SLC1A1: variants seen among roughly 807,000 people sequenced by gnomAD.
The protein encoded by SLC1A1 is solute carrier family 1 member 1.
Under a neutral mutation model 53.3 loss-of-function variants are expected in SLC1A1, and 43 were observed. The observed-to-expected ratio is 0.81, with a 90% CI of 0.63 to 1.04. The LOEUF (loss-of-function observed/expected upper bound fraction) is 1.04, where lower values mean the gene tolerates loss of function less well. Among genes scored for constraint, SLC1A1 ranks in the 50% least tolerant of loss-of-function variants. SLC1A1 has a pLI of 0.00. For missense variants in SLC1A1, 748 were observed against 664.9 expected (o/e 1.12, Z -1.37); for synonymous variants, 307 against 243.2 (o/e 1.26, Z -2.44).
intron 2 of SLC1A1, among the ~76,000 whole-genome samples, chr9:4,548,354 T>G (rs749696345): frequency 1.3e-5 from 2 of 152,148 alleles, no homozygotes; most frequent in African/African-American, 4.8e-5. Flanking sequence ...TATACAGTTA[T>G]TAGGCCGAAG....
At chr9:4,535,904 T>A (rs1795013500) in intron 1 of SLC1A1, among the ~76,000 whole-genome samples, 1 of 152,122 alleles carries the variant, frequency 6.6e-6, no homozygotes, top group Admixed American at 6.5e-5. Context: ...TCTACAACCA[T>A]CTGATCTTTG....
chr9:4,547,976 C>T (rs181614546), intron 2 of SLC1A1, among the ~76,000 whole-genome samples: 33 of 152,208 alleles, frequency 2.2e-4, no homozygotes, highest in Non-Finnish European at 4.1e-4. Flanking sequence ...AATGTATATA[C>T]ATTTTTAAAA....
At chr9:4,552,405 G>A (rs1818008824) in intron 2 of SLC1A1, among the ~76,000 whole-genome samples, 1 of 152,152 alleles carries the variant, frequency 6.6e-6, no homozygotes, top group Non-Finnish European at 1.5e-5. Context: ...CCAGGCAAGA[G>A]AAAATAGCAT....
In SLC1A1 at chr9:4,549,734, A is replaced by T. The variant is rs1340380874; in HGVS notation, c.232+5027A>T. ...AAACCCCCCTCACGGCCACAGGGGG[A>T]TAGCCTTTCCTCGTGGACCCCATCA... On this transcript the variant is annotated intron_variant, in intron 2 of 11. Transcript: ENST00000262352. This position sits in a 1 kb window ranked among gnomAD's most constrained non-coding sequence, Gnocchi z 4.1. Among the ~76,000 whole-genome samples the T allele has an allele frequency of 6.6e-6, 1 of 152,098 alleles. No individual in the cohort carries two copies. The highest frequency in any genetic ancestry group is 1.5e-5 in the Non-Finnish European group (1 of 68,010).
chr9:4,567,295 T>C (rs1007956985), intron 5 of SLC1A1, among the ~76,000 whole-genome samples: 2 of 152,214 alleles, frequency 1.3e-5, no homozygotes, highest in African/African-American at 4.8e-5. Flanking sequence ...TAAAAATCAT[T>C]TATTAATTAA....
At chr9:4,575,865 T>C in intron 8 of SLC1A1, 136 bp from the exon 9 acceptor site, 1 of 920,758 alleles carries the variant, frequency 1.1e-6, no homozygotes, top group African/African-American at 1.6e-5. Context: ...CGTATATTCC[T>C]GCCCTACTCC....
chr9:4,551,488 T>G (rs572686100), intron 2 of SLC1A1, among the ~76,000 whole-genome samples: 1 of 152,348 alleles, frequency 6.6e-6, no homozygotes, highest in East Asian at 1.9e-4. Context: ...ATTGCAAGAC[T>G]TGAAGACGCA....
chr9:4,561,001 A>T (rs1216061125), intron 2 of SLC1A1, among the ~76,000 whole-genome samples: 1 of 94,282 alleles, frequency 1.1e-5, no homozygotes. Context: ...GTCTCAAAAC[A>T]AACAAACAAA....
In SLC1A1 at chr9:4,493,386, G is replaced by C. The variant is rs796468002; in HGVS notation, c.91+2616G>C. Among the ~76,000 whole-genome samples, 10 of 152,298 alleles carry C rather than the reference G, an allele frequency of 6.6e-5. No individual in the cohort carries two copies. In the South Asian group the frequency reaches 1.9e-3, roughly 28 times the overall value. ...TTGTTTAATTGACAGTGAAATTCCA[G>C]TGACTTATAACAGTGGCACTGAGTC... On this transcript the variant is annotated intron_variant, in intron 1 of 11. Coordinates refer to ENST00000262352, the MANE Select transcript of SLC1A1 (RefSeq NM_004170.6).
chr9:4,573,899 CT>C lies in SLC1A1; in HGVS notation c.768-5del. 1 of 1,585,150 alleles carries C rather than the reference CT, an allele frequency of 6.3e-7. No homozygotes were observed. Among genetic ancestry groups the C allele is most frequent in the Non-Finnish European group, 8.7e-7 (1 of 1,153,582 alleles). ...CGGAATCACGCCTCTGTTGTGCTTCCTTTCCAGTTATATGCCACTAGGTATT... is the reference window on the plus strand; with the variant it reads ...CGGAATCACGCCTCTGTTGTGCTTCCTTCCAGTTATATGCCACTAGGTATT... On this transcript the variant is annotated splice_polypyrimidine_tract_variant and splice_region_variant and intron_variant, in intron 7 of 11. Coordinates refer to ENST00000262352, the MANE Select transcript of SLC1A1 (RefSeq NM_004170.6).
At chr9:4,523,527 C>T (rs906716455) in intron 1 of SLC1A1, among the ~76,000 whole-genome samples, 3 of 152,078 alleles carry the variant, frequency 2.0e-5, no homozygotes, top group African/African-American at 4.8e-5. Context: ...AAATAAATGT[C>T]ATAGACTGAG....
chr9:4,511,432 G>C (rs897872657), intron 1 of SLC1A1, among the ~76,000 whole-genome samples: 5 of 152,026 alleles, frequency 3.3e-5, no homozygotes, highest in African/African-American at 1.2e-4. Context: ...CACCTCTCAA[G>C]GGCCCCACCT....
At chr9:4,535,821 ACAG>A (rs1416901559) in intron 1 of SLC1A1, among the ~76,000 whole-genome samples, 1 of 152,212 alleles carries the variant, frequency 6.6e-6, no homozygotes, top group African/African-American at 2.4e-5. Context: ...CTACAAGGCT[ACAG>A]TAACCAAAAC....
At chr9:4,497,110 A>G (rs187980418) in intron 1 of SLC1A1, among the ~76,000 whole-genome samples, 1 of 152,184 alleles carries the variant, frequency 6.6e-6, no homozygotes. Flanking sequence ...AATTACCACA[A>G]ACCGGGTGGT....
intron 10 of SLC1A1, among the ~76,000 whole-genome samples, chr9:4,580,309 A>C (rs558118099): frequency 4.4e-4 from 67 of 152,240 alleles, no homozygotes; most frequent in Non-Finnish European, 6.0e-4. Context: ...AGCAGGGCGC[A>C]GAGGCTCACA....
intron 1 of SLC1A1, among the ~76,000 whole-genome samples, chr9:4,510,001 T>G (rs1490705284): frequency 6.6e-6 from 1 of 152,156 alleles, no homozygotes; most frequent in Admixed American, 6.5e-5. Flanking sequence ...GCCTGGCTAA[T>G]TTTTTCATTT....
intron 8 of SLC1A1, among the ~76,000 whole-genome samples, 179 bp from the exon 9 acceptor site, chr9:4,575,822 G>A (rs1345059634): frequency 6.6e-6 from 1 of 152,190 alleles, no homozygotes; most frequent in African/African-American, 2.4e-5. Flanking sequence ...CATGTGCTGA[G>A]AGAGCCTCTA....
chr9:4,526,679 A>C (rs1210916417), intron 1 of SLC1A1, among the ~76,000 whole-genome samples: 1 of 152,196 alleles, frequency 6.6e-6, no homozygotes, highest in Non-Finnish European at 1.5e-5. Flanking sequence ...AGAATCAATA[A>C]TTCAGATTCT....
At chr9:4,509,037 C>T (rs1820901805) in intron 1 of SLC1A1, among the ~76,000 whole-genome samples, 1 of 152,094 alleles carries the variant, frequency 6.6e-6, no homozygotes. Flanking sequence ...CCTGAGAAGA[C>T]AGCCTAGGAA....
Sources: gnomAD v4.1 joint callset for allele counts (sites outside exome capture counted in the v4.1 genomes callset) on GRCh38, gnomAD v4.1.1 for gene constraint, Gnocchi (gnomAD v3.1) non-coding constraint, MANE v1.5 for transcripts, NCBI Gene and HGNC (gene_info 2026-07-23, HGNC 2026-07-21) for gene names.